CTNNBL1: variants seen among roughly 807,000 people sequenced by gnomAD.
CTNNBL1 encodes the protein catenin beta like 1, also known as beta-catenin-like protein 1.
Under a neutral mutation model 72.7 loss-of-function variants are expected in CTNNBL1, and 31 were observed. The observed-to-expected ratio is 0.43, with a 90% CI of 0.32 to 0.58. CTNNBL1 has a LOEUF of 0.58. Among genes scored for constraint, CTNNBL1 ranks in the 20% least tolerant of loss-of-function variants. The pLI is 0.08. For synonymous variants in CTNNBL1, 240 were observed against 267.3 expected (o/e 0.90, Z 1.00); for missense variants, 534 against 725.1 (o/e 0.74, Z 3.03).
At chr20:37,857,879 C>T (rs1277486698) in intron 13 of CTNNBL1, among the ~76,000 whole-genome samples, 2 of 152,246 alleles carry the variant, frequency 1.3e-5, no homozygotes, top group African/African-American at 4.8e-5. Flanking sequence ...GTTCTCACTC[C>T]TGAGAGCTCA....
At chr20:37,835,537 A>G (rs2072246472) in intron 11 of CTNNBL1, among the ~76,000 whole-genome samples, 1 of 152,200 alleles carries the variant, frequency 6.6e-6, no homozygotes, top group Admixed American at 6.5e-5. Context: ...ATATATACTA[A>G]TAGTGGGTAT....
intron 11 of CTNNBL1, among the ~76,000 whole-genome samples, chr20:37,838,279 CA>C (rs2072272459): frequency 1.3e-5 from 2 of 152,100 alleles, no homozygotes; most frequent in South Asian, 4.2e-4. Flanking sequence ...GAGATTAGGC[CA>C]AAGGGGACAA....
intron 12 of CTNNBL1, 158 bp from the exon 13 acceptor site, chr20:37,842,181 A>G (rs1387326900): frequency 4.8e-6 from 3 of 623,398 alleles, no homozygotes; most frequent in African/African-American, 1.8e-5. Context: ...TCCATTCCTG[A>G]TGTGTCCCTA....
At chr20:37,770,061 G>A (rs1333922328) in intron 7 of CTNNBL1, among the ~76,000 whole-genome samples, 1 of 152,178 alleles carries the variant, frequency 6.6e-6, no homozygotes, top group Non-Finnish European at 1.5e-5. Flanking sequence ...GAGCACATTT[G>A]CCTAGCAGAG....
intron 10 of CTNNBL1, among the ~76,000 whole-genome samples, chr20:37,801,388 A>G (rs74694030): frequency 0.024 from 3,625 of 152,234 alleles, 138 homozygotes; most frequent in African/African-American, 0.081. Context: ...AAGATAGGAA[A>G]TGACTGACTT....
intron 1 of CTNNBL1, chr20:37,727,488 C>A (rs906919404): frequency 4.4e-6 from 1 of 226,058 alleles, no homozygotes; most frequent in African/African-American, 2.3e-5. Context: ...CACTCACCAC[C>A]TATTGGGAGT....
At chr20:37,837,084 A>C (rs2072260723) in intron 11 of CTNNBL1, among the ~76,000 whole-genome samples, 1 of 152,170 alleles carries the variant, frequency 6.6e-6, no homozygotes, top group African/African-American at 2.4e-5. Context: ...ACAAGGTTAC[A>C]GAGTTGATTC....
chr20:37,793,608 A>G (rs2073745087), intron 10 of CTNNBL1, among the ~76,000 whole-genome samples: 1 of 152,194 alleles, frequency 6.6e-6, no homozygotes, highest in African/African-American at 2.4e-5. Flanking sequence ...CTAATCCAAA[A>G]AGAGGCACCA....
In CTNNBL1 at chr20:37,696,601, G is replaced by A. The variant is rs1269799719; in HGVS notation, c.30+2449G>A. ...TGGGATTACGGGCATGCGCCACCAC[G>A]CCTGGCTAATTTTTGTATTTTTAGT... On this transcript the variant is annotated intron_variant, in intron 1 of 15. Coordinates refer to ENST00000361383, the MANE Select transcript of CTNNBL1 (RefSeq NM_030877.5). Among the ~76,000 whole-genome samples, 8 of 20,972 alleles carry A rather than the reference G, an allele frequency of 3.8e-4. No individual in the cohort carries two copies. In the East Asian group the frequency reaches 4.6e-3, roughly 12 times the overall value. 13.8% of individuals were successfully genotyped at this position (20,972 alleles called of 152,430 possible).
chr20:37,752,441 C>T (rs1336602362), intron 4 of CTNNBL1, among the ~76,000 whole-genome samples: 1 of 152,106 alleles, frequency 6.6e-6, no homozygotes, highest in Non-Finnish European at 1.5e-5. Flanking sequence ...TTTTTTAACT[C>T]ACATTTATTG....
chr20:37,765,139 A>G, intron 5 of CTNNBL1, 58 bp from the exon 6 acceptor site: 3 of 1,166,796 alleles, frequency 2.6e-6, no homozygotes, highest in East Asian at 2.6e-5. Context: ...GGGAACGGGA[A>G]CATTTTGGGG....
At chr20:37,800,270 A>G (rs2073812917) in intron 10 of CTNNBL1, among the ~76,000 whole-genome samples, 1 of 152,168 alleles carries the variant, frequency 6.6e-6, no homozygotes, top group Admixed American at 6.5e-5. Context: ...TGGTCTCCAC[A>G]TCACCATTAG....
At chr20:37,780,012 G>A (rs938843483) in intron 10 of CTNNBL1, among the ~76,000 whole-genome samples, 3 of 151,960 alleles carry the variant, frequency 2.0e-5, no homozygotes, top group African/African-American at 7.3e-5. Context: ...GAGTAGAGAA[G>A]TGTGTGGGGG....
intron 15 of CTNNBL1, among the ~76,000 whole-genome samples, chr20:37,867,329 G>T (rs970746485): frequency 6.6e-6 from 1 of 152,076 alleles, no homozygotes; most frequent in Non-Finnish European, 1.5e-5. Flanking sequence ...AAGGTTCATG[G>T]ATCTGAACCA....
At chr20:37,766,972 T>C (rs2073474332) in intron 6 of CTNNBL1, among the ~76,000 whole-genome samples, 1 of 152,196 alleles carries the variant, frequency 6.6e-6, no homozygotes, top group Non-Finnish European at 1.5e-5. Flanking sequence ...CTCTCAGGGT[T>C]TCCTTGCTCC....
At chr20:37,726,900 A>G (rs2073089963) in intron 1 of CTNNBL1, among the ~76,000 whole-genome samples, 1 of 152,204 alleles carries the variant, frequency 6.6e-6, no homozygotes, top group Non-Finnish European at 1.5e-5. Context: ...ATTTATCATA[A>G]TGATACCATT....
intron 10 of CTNNBL1, among the ~76,000 whole-genome samples, chr20:37,779,764 T>C (rs2073609827): frequency 6.6e-6 from 1 of 152,196 alleles, no homozygotes; most frequent in African/African-American, 2.4e-5. Context: ...TCACTCCTCA[T>C]TCAGTAATGA....
intron 4 of CTNNBL1, chr20:37,751,528 A>G (rs940060626): frequency 6.6e-6 from 1 of 152,228 alleles, no homozygotes; most frequent in Admixed American, 6.5e-5. Flanking sequence ...AGTTTTGTGA[A>G]GAATTACTGT....
intron 2 of CTNNBL1, 78 bp downstream of exon 2, chr20:37,733,145 C>G: frequency 8.1e-7 from 1 of 1,238,416 alleles, no homozygotes; most frequent in Admixed American, 2.1e-5. Flanking sequence ...CTAAGCTTGT[C>G]TGAGCTTCCC....
Sources: gnomAD v4.1 joint callset for allele counts (sites outside exome capture counted in the v4.1 genomes callset) on GRCh38, gnomAD v4.1.1 for gene constraint, MANE v1.5 for transcripts, NCBI Gene and HGNC (gene_info 2026-07-23, HGNC 2026-07-21) for gene names.